Variants in PWP1 observed in about 807,000 individuals in gnomAD.
PWP1 encodes PWP1 homolog, endonuclein, also known as periodic tryptophan protein 1 homolog.
In PWP1, 47 loss-of-function variants were observed where a neutral mutation model predicts 69.9. The observed-to-expected ratio is 0.67, with a 90% CI of 0.53 to 0.86. PWP1 has a LOEUF of 0.86. PWP1 is among the 40% of genes least tolerant of loss of function. The probability of loss-of-function intolerance (pLI) is 0.00; values close to 1 mark genes in which losing one functional copy is unlikely to be tolerated. For missense variants in PWP1, 551 were observed against 608.8 expected, an observed-to-expected ratio of 0.91 and a Z score of 1.00; for synonymous variants, 222 against 208.2, an observed-to-expected ratio of 1.07 and a Z score of -0.57.
chr12:107,710,644 T>C lies in PWP1; in HGVS notation c.1396+134T>C, dbSNP rs1457153302. The C allele has an allele frequency of 5.8e-6, 8 of 1,372,768 alleles. No individual in the cohort carries two copies. The South Asian group carries it at 1.1e-4, about 18-fold the overall frequency. 85.0% of individuals were successfully genotyped at this position (1,372,768 alleles called of 1,614,324 possible). A position where few individuals can be genotyped will look rare whatever the true frequency, so the allele number is the denominator to read the frequency against. ...CTCAAGCAATCCTTGGTCCTCAGCC[T>C]TCTGTATAGCTGGGATTACAGGTGT... is the stretch of plus-strand genomic sequence containing the variant. On this transcript the variant is annotated intron_variant, in intron 14 of 14. Coordinates refer to ENST00000412830, the MANE Select transcript of PWP1 (RefSeq NM_007062.3).
At chr12:107,699,065 C>T (rs1374549312) in intron 7 of PWP1, among the ~76,000 whole-genome samples, 7 of 152,092 alleles carry the variant, frequency 4.6e-5, no homozygotes, top group African/African-American at 1.7e-4. Context: ...TCCTGACCAC[C>T]CTGGCCAACG....
chr12:107,694,201 T>G (rs767646290), intron 5 of PWP1, among the ~76,000 whole-genome samples: 2 of 152,218 alleles, frequency 1.3e-5, no homozygotes, highest in Non-Finnish European at 2.9e-5. Flanking sequence ...TGCCTACAGA[T>G]TCTCCGTTTT....
At chr12:107,689,880 G>A (rs1301474553) in intron 3 of PWP1, among the ~76,000 whole-genome samples, 2 of 152,164 alleles carry the variant, frequency 1.3e-5, no homozygotes, top group Non-Finnish European at 1.5e-5. Flanking sequence ...GCTCTTCTGG[G>A]GAAAGTAGGT....
At chr12:107,702,624 C>T (rs1428298967) in intron 8 of PWP1, among the ~76,000 whole-genome samples, 1 of 152,160 alleles carries the variant, frequency 6.6e-6, no homozygotes, top group African/African-American at 2.4e-5. Flanking sequence ...AAAAAGTCAT[C>T]AGAGATTTTG....
At chr12:107,697,316 C>A in intron 6 of PWP1, 151 bp from the exon 7 acceptor site, 1 of 678,544 alleles carries the variant, frequency 1.5e-6, no homozygotes, top group Non-Finnish European at 2.2e-6. Flanking sequence ...ATACAATCTG[C>A]ATTTGTAACA....
intron 14 of PWP1, among the ~76,000 whole-genome samples, chr12:107,711,425 T>C (rs1889950311): frequency 6.6e-6 from 1 of 152,204 alleles, no homozygotes; most frequent in Non-Finnish European, 1.5e-5. Context: ...AACAAATACA[T>C]ATCTTAAAAT....
In PWP1 at chr12:107,704,611, C is replaced by T. The variant is rs779555197; in HGVS notation, c.966-25C>T. ...TATAGGAGAATTGAACTCTTAAAACCCTAACTTTGCCTGAATGTGTCTAGG... is the reference window on the plus strand; with the variant it reads ...TATAGGAGAATTGAACTCTTAAAACTCTAACTTTGCCTGAATGTGTCTAGG... On this transcript the variant is annotated intron_variant, in intron 10 of 14. Transcript: ENST00000412830. 7 of 1,569,204 alleles carry T rather than the reference C, an allele frequency of 4.5e-6. No homozygotes were observed. In the South Asian group the frequency reaches 4.5e-5, roughly 10 times the overall value.
Position 107,710,407 on chromosome 12 carries a change from A to T in PWP1, c.1293A>T (p.Gly431=), listed in dbSNP as rs375618812. 3.1e-6 allele frequency: 5 copies of T among 1,613,214 alleles called. No homozygotes were observed. The African/African-American group carries it at 6.7e-5, about 22-fold the overall frequency. The change falls in exon 14 of 15, where the codon GGA becomes GGT. Residue 431 remains glycine (G), a splice_region_variant and synonymous_variant. Coordinates refer to ENST00000412830, the MANE Select transcript of PWP1 (RefSeq NM_007062.3). The part of the protein sequence containing the change: ...SLVHSRDMKM[G]VLFCSSCCPD... ...CCATCTTCCTGTTCTCTCTCTAGGG[A>T]GTTCTCTTCTGTTCTTCATGTTGCC...
chr12:107,710,024 C>CAA (rs770568941), intron 13 of PWP1, among the ~76,000 whole-genome samples: 2 of 151,946 alleles, frequency 1.3e-5, no homozygotes, highest in African/African-American at 2.4e-5. Flanking sequence ...AAAAAGAAAA[C>CAA]AAAGTTTAAA....
intron 13 of PWP1, 50 bp from the exon 14 acceptor site, chr12:107,710,355 T>A (rs1187890294): frequency 6.2e-7 from 1 of 1,602,658 alleles, no homozygotes; most frequent in Non-Finnish European, 8.5e-7. Context: ...ATCTAGATAT[T>A]AGCGCTTTCT....
Position 107,700,495 on chromosome 12 carries a change from A to T in PWP1, c.806+1061A>T, listed in dbSNP as rs574277498. On this transcript the variant is annotated intron_variant, in intron 8 of 14. Transcript: ENST00000412830. ...TGTCTTCAGGTTCAGTCATGTTCCA[A>T]TAAGTGTCAGAGTTTCTTCCTTTTT... 7.2e-5 allele frequency among the ~76,000 whole-genome samples: 11 copies of T among 152,292 alleles called. No individual in the cohort carries two copies. In the South Asian group the frequency reaches 2.3e-3, roughly 32 times the overall value.
chr12:107,688,684 C>T lies in PWP1; in HGVS notation c.201C>T (p.Arg67=), dbSNP rs1299514551. Residue 67 remains arginine, a synonymous_variant, in exon 3 of 15, where the codon CGC becomes CGT. Coordinates refer to ENST00000412830, the MANE Select transcript of PWP1 (RefSeq NM_007062.3). The part of the protein sequence containing the change: ...SPSEDGMQSA[R]TQARPREPLE... The stretch of plus-strand genomic sequence containing the variant: ...CAGAAGATGGCATGCAGAGTGCACG[C>T]ACCCAGGCACGCCCAAGAGAGCCCC... 1 of 1,614,196 alleles carries T rather than the reference C, an allele frequency of 6.2e-7. No homozygotes were observed. The highest frequency in any genetic ancestry group is 8.5e-7 in the Non-Finnish European group (1 of 1,180,014).
At chr12:107,711,144 G>A (rs1012477556) in intron 14 of PWP1, among the ~76,000 whole-genome samples, 69 of 152,202 alleles carry the variant, frequency 4.5e-4, no homozygotes, top group African/African-American at 1.5e-3. Flanking sequence ...TATGGGAAAC[G>A]AGGGATAGGC....
rs1399645640 is a variant in PWP1 at position 107,697,448 on chromosome 12, G to A, written c.614-19G>A. ...TGTCTTTTTTTGTGTAATCATACATGCATTGTTTCCTCCCATAGGAAATTA... is the reference window on the plus strand; with the variant it reads ...TGTCTTTTTTTGTGTAATCATACATACATTGTTTCCTCCCATAGGAAATTA... On this transcript the variant is annotated intron_variant, in intron 6 of 14. Coordinates refer to ENST00000412830, the MANE Select transcript of PWP1 (RefSeq NM_007062.3). The A allele has an allele frequency of 3.8e-6, 6 of 1,562,370 alleles. No homozygotes were observed. Among genetic ancestry groups the A allele is most frequent in the Non-Finnish European group, 5.2e-6 (6 of 1,159,906 alleles).
rs1019379134 is a variant in PWP1 at position 107,712,209 on chromosome 12, A to G, written c.1495A>G (p.Met499Val). 3.1e-6 allele frequency: 5 copies of G among 1,611,708 alleles called. No homozygotes were observed. Among genetic ancestry groups the G allele is most frequent in the Non-Finnish European group, 1.7e-6 (2 of 1,177,900 alleles). ...PFGSRSSDTP[M>V]ES is the part of the protein sequence containing the mutation. ...TGGCAGCAGGAGCTCAGATACACCC[A>G]TGGAGTCTTAATGAAGATCATCTAA... The change falls in exon 15 of 15, where the codon ATG becomes GTG. Residue 499 changes from methionine (M) to valine (V), a missense_variant. Physicochemically the swap from Met to Val is conservative, Grantham distance 21 (BLOSUM62 1). Coordinates refer to ENST00000412830, the MANE Select transcript of PWP1 (RefSeq NM_007062.3).
intron 11 of PWP1, 80 bp downstream of exon 11, chr12:107,704,827 A>C: frequency 1.7e-6 from 2 of 1,206,854 alleles, no homozygotes; most frequent in Non-Finnish European, 2.4e-6. Flanking sequence ...GAATTATCTG[A>C]AAAGCTTTTT....
At chr12:107,712,025 T>G (rs1889962099) in intron 14 of PWP1, 86 bp from the exon 15 acceptor site, 1 of 1,079,402 alleles carries the variant, frequency 9.3e-7, no homozygotes, top group Admixed American at 1.8e-5. Context: ...AAGTACTAAG[T>G]GCACAATTCT....
At chr12:107,694,774 G>A (rs772647673) in intron 5 of PWP1, among the ~76,000 whole-genome samples, 2 of 152,100 alleles carry the variant, frequency 1.3e-5, no homozygotes, top group Non-Finnish European at 2.9e-5. Flanking sequence ...AAGAGGAGCT[G>A]AGAAAGAAGT....
rs1440523988 is a variant in PWP1 at position 107,699,353 on chromosome 12, A to G, written c.745-20A>G. 6.3e-7 allele frequency: 1 copy of G among 1,594,620 alleles called. No homozygotes were observed. The highest frequency in any genetic ancestry group is 2.2e-5 in the East Asian group (1 of 44,756). ...TGAGGGGGACTTTAATACAAAAAATAATTAAAACAATTATTACAGAGTTCC... is the reference window on the plus strand; with the variant it reads ...TGAGGGGGACTTTAATACAAAAAATGATTAAAACAATTATTACAGAGTTCC... On this transcript the variant is annotated intron_variant, in intron 7 of 14. Transcript: ENST00000412830.
Sources: allele counts gnomAD v4.1 joint callset (sites outside exome capture counted in the v4.1 genomes callset), GRCh38; gene constraint gnomAD v4.1.1; transcripts MANE v1.5; gene names NCBI Gene and HGNC (gene_info 2026-07-23, HGNC 2026-07-21).